The following WDR46 variants were observed in gnomAD, a reference collection of about 807,000 sequenced individuals.
The protein encoded by WDR46 is WD repeat domain 46.
Under a neutral mutation model 74.7 loss-of-function variants are expected in WDR46, and 58 were observed. The ratio of observed to expected loss-of-function variants is 0.78; its 90% CI spans 0.63 to 0.97. WDR46 has a LOEUF of 0.97. Among genes scored for constraint, WDR46 ranks in the 50% least tolerant of loss-of-function variants. The pLI, the probability that WDR46 is intolerant of heterozygous loss-of-function variation, is 0.00. For synonymous variants in WDR46, 278 were observed against 297.3 expected, an observed-to-expected ratio of 0.93 and a Z score of 0.67; for missense variants, 702 against 790.1, an observed-to-expected ratio of 0.89 and a Z score of 1.34.
rs566892586 is a variant in WDR46 at position 33,288,946 on chromosome 6, C to T, written c.137G>A (p.Arg46His). ...ACGGAGCTCCCGATTCTTCTTGTTA[C>T]GAGGAGGCCCTGGAGAGGCTCCGGC... The part of the protein sequence containing the change: ...TTAGASPGPP[R>H]NKKNRELRPQ... The change falls in exon 2 of 15, where the codon CGT becomes CAT. Residue 46 changes from arginine to histidine, a missense_variant. By Grantham distance (29) the Arg-to-His change is conservative. Coordinates refer to ENST00000374617, the MANE Select transcript of WDR46 (RefSeq NM_005452.6). 149 of 1,614,090 alleles carry T rather than the reference C, an allele frequency of 9.2e-5. No homozygotes were observed. The Admixed American group carries it at 2.1e-3, about 23-fold the overall frequency.
Position 33,279,862 on chromosome 6 carries a change from G to C in WDR46, c.1525-3C>G. On this transcript the variant is annotated splice_polypyrimidine_tract_variant and splice_region_variant and intron_variant, in intron 12 of 14. Transcript: ENST00000374617. ...AGACAAATAAGCTCTGCAGGTACCTGGGGGTGTCACAGAGGGACAGGACTC... is the reference window on the plus strand; with the variant it reads ...AGACAAATAAGCTCTGCAGGTACCTCGGGGTGTCACAGAGGGACAGGACTC... 6.2e-7 allele frequency: 1 copy of C among 1,613,776 alleles called. No individual in the cohort carries two copies. The highest frequency in any genetic ancestry group is 8.5e-7 in the Non-Finnish European group (1 of 1,179,880).
In WDR46 at chr6:33,279,789, C is replaced by T. The variant is rs758701039; in HGVS notation, c.1595G>A (p.Gly532Glu). ...CAGCCTCTCTATCTGCTCCTTCTTT[C>T]CCTGCTCCAGGGAGATGACATCCAC... is the stretch of plus-strand genomic sequence containing the variant. ...AEVDVISLEQ[G>E]KKEQIERLGY... Residue 532 changes from glycine (G) to glutamate (E), a missense_variant, in exon 13 of 15, where the codon GGA becomes GAA. Physicochemically the swap from Gly to Glu is moderately conservative, Grantham distance 98. Coordinates refer to ENST00000374617, the MANE Select transcript of WDR46 (RefSeq NM_005452.6). 1.2e-5 allele frequency: 19 copies of T among 1,614,140 alleles called. No homozygotes were observed. The South Asian group carries it at 1.4e-4, about 12-fold the overall frequency.
chr6:33,280,389 A>G (rs1015959102), intron 12 of WDR46, 39 bp downstream of exon 12: 28 of 1,541,658 alleles, frequency 1.8e-5, no homozygotes, highest in Non-Finnish European at 2.4e-5. Context: ...CTCTCCAGCA[A>G]TGGGGGGGAT....
intron 12 of WDR46, among the ~76,000 whole-genome samples, 138 bp downstream of exon 12, chr6:33,280,265 GGGGGAACCTGACCTTCTCCAGCAGT>G (rs72655904): frequency 0.036 from 5,356 of 149,714 alleles, 118 homozygotes; most frequent in Non-Finnish European, 0.044. Flanking sequence ...TCTCCAGCAG[GGGGGAACCTGACCTTCTCCAGCAGT>G]GGGGAACCTG....
Position 33,279,118 on chromosome 6 carries a change from C to T in WDR46, c.*158G>A. 7 of 985,018 alleles carry T rather than the reference C, an allele frequency of 7.1e-6. No individual in the cohort carries two copies. The highest frequency in any genetic ancestry group is 9.0e-6 in the Non-Finnish European group (6 of 664,662). 61.0% of individuals were successfully genotyped at this position (985,018 alleles called of 1,614,324 possible). A position where few individuals can be genotyped will look rare whatever the true frequency, so the allele number is the denominator to read the frequency against. ...GATCCAGACACATTATCCAAAAAATCGCTTTCCTCTTTAATACCAACCCAC... is the reference window on the plus strand; with the variant it reads ...GATCCAGACACATTATCCAAAAAATTGCTTTCCTCTTTAATACCAACCCAC... On this transcript the variant is annotated 3_prime_UTR_variant, in exon 15 of 15. Transcript: ENST00000374617.
Position 33,280,998 on chromosome 6 carries a change from A to C in WDR46, c.1116-11T>G, listed in dbSNP as rs758490271. On this transcript the variant is annotated splice_polypyrimidine_tract_variant and intron_variant, in intron 10 of 14. Transcript: ENST00000374617. The stretch of plus-strand genomic sequence containing the variant: ...GAGGTGGCCATGTACCTGGTGAGAG[A>C]AGAGGGATCAATTAATATGTCAGTA... 3 of 1,581,186 alleles carry C rather than the reference A, an allele frequency of 1.9e-6. No homozygotes were observed. The highest frequency in any genetic ancestry group is 2.6e-6 in the Non-Finnish European group (3 of 1,161,552).
chr6:33,289,055 C>A (rs762673527), intron 1 of WDR46, 42 bp from the exon 2 acceptor site: 1 of 1,611,494 alleles, frequency 6.2e-7, no homozygotes, highest in Non-Finnish European at 8.5e-7. Flanking sequence ...CCCCGCCCCC[C>A]GACCCCACAG....
At chr6:33,283,428 C>T (rs1263274911) in intron 10 of WDR46, among the ~76,000 whole-genome samples, 1 of 152,156 alleles carries the variant, frequency 6.6e-6, no homozygotes, top group Non-Finnish European at 1.5e-5. Flanking sequence ...GAAACCCCAT[C>T]TCTACAAAAA....
Position 33,288,041 on chromosome 6 carries a change from A to G in WDR46, c.562-15T>C, listed in dbSNP as rs1346005693. 2 of 1,614,116 alleles carry G rather than the reference A, an allele frequency of 1.2e-6. No homozygotes were observed. The highest frequency in any genetic ancestry group is 1.7e-6 in the Non-Finnish European group (2 of 1,179,988). On this transcript the variant is annotated splice_polypyrimidine_tract_variant and intron_variant, in intron 5 of 14. Transcript: ENST00000374617. ...AAGTCAAAGTGCTGGGAAAGAGAAG[A>G]GTGAAAAAAAAGAGTGCCCTGCAGT...
At chr6:33,287,833 T>C (rs547756061) in intron 6 of WDR46, 115 bp from the exon 7 acceptor site, 1 of 1,499,586 alleles carries the variant, frequency 6.7e-7, no homozygotes, top group South Asian at 1.1e-5. Flanking sequence ...CATGTTGCTG[T>C]AGGTGCTTAC....
intron 12 of WDR46, among the ~76,000 whole-genome samples, chr6:33,280,098 A>ATT (rs1766001360): frequency 1.3e-5 from 2 of 148,504 alleles, no homozygotes; most frequent in East Asian, 4.1e-4. Flanking sequence ...GCAGGGGGGA[A>ATT]CCTGACCCTC....
Position 33,279,109 on chromosome 6 carries a change from C to T in WDR46, c.*167G>A. ...CCACAAGATGATCCAGACACATTAT[C>T]CAAAAAATCGCTTTCCTCTTTAATA... On this transcript the variant is annotated 3_prime_UTR_variant, in exon 15 of 15. Transcript: ENST00000374617. 1.1e-6 allele frequency: 1 copy of T among 889,776 alleles called. No individual in the cohort carries two copies. The allele number at this position is 889,776 out of a possible 1,614,324, so 55.1% of individuals were successfully genotyped here.
rs895783066 is a variant in WDR46, at chr6:33,287,669, C to T, written c.673G>A (p.Val225Ile). The T allele has an allele frequency of 1.2e-6, 2 of 1,613,860 alleles. No individual in the cohort carries two copies. The highest frequency in any genetic ancestry group is 1.7e-6 in the Non-Finnish European group (2 of 1,180,026). Residue 225 changes from valine (V) to isoleucine (I), a missense_variant, in exon 7 of 15, where the codon GTA becomes ATA. Val to Ile is a conservative substitution (Grantham distance 29, BLOSUM62 3). Coordinates refer to ENST00000374617, the MANE Select transcript of WDR46 (RefSeq NM_005452.6). ...RRGHVAALDW[V>I]TKKLMCEINV... ...ATCTCGCACATAAGCTTCTTTGTTA[C>T]CCAATCAAGGGCAGCCACATGACCT...
chr6:33,282,964 C>T (rs111362774), intron 10 of WDR46, among the ~76,000 whole-genome samples: 1 of 152,206 alleles, frequency 6.6e-6, no homozygotes, highest in Non-Finnish European at 1.5e-5. Flanking sequence ...ATAATCCCAG[C>T]ACTTTGGGAG....
rs139685455 is a variant in WDR46 at position 33,280,770 on chromosome 6, G to A, written c.1333C>T (p.Arg445Trp). 9.9e-6 allele frequency: 16 copies of A among 1,613,908 alleles called. No individual in the cohort carries two copies. Among genetic ancestry groups the A allele is most frequent in the South Asian group, 8.8e-5 (8 of 91,078 alleles). The change falls in exon 11 of 15, where the codon CGG (arginine) becomes TGG (tryptophan). Residue 445 changes from arginine to tryptophan, a missense_variant. Transcript: ENST00000374617. ...PSLEQPYLTH[R>W]LSGPVHGLQF... ...AGGCCATGCACAGGGCCTGAGAGCC[G>A]GTGGGTGAGGTAGGGCTGTTCAAGG...
rs370104675 is a variant in WDR46, at chr6:33,289,201, A to G, written c.-31T>C. 5.0e-6 allele frequency: 8 copies of G among 1,601,054 alleles called. No individual in the cohort carries two copies. Among genetic ancestry groups the G allele is most frequent in the Non-Finnish European group, 6.8e-6 (8 of 1,174,090 alleles). On this transcript the variant is annotated 5_prime_UTR_variant, in exon 1 of 15. Coordinates refer to ENST00000374617, the MANE Select transcript of WDR46 (RefSeq NM_005452.6). ...CCACCCGAACGGCGATCCACGTGCA[A>G]AACTCCTCTCAGCTGCCACACAGTC... is the stretch of plus-strand genomic sequence containing the variant.
chr6:33,288,739 C>T, intron 2 of WDR46, 45 bp from the exon 3 acceptor site: 1 of 1,613,096 alleles, frequency 6.2e-7, no homozygotes, highest in Non-Finnish European at 8.5e-7. Context: ...TTGGATTGAC[C>T]CCAACCCTCT....
rs899063450 is a variant in WDR46, at chr6:33,287,786, G to GC, written c.624-69dup. Reference sequence around the variant, plus strand: ...CACCGACTCAGACAACTTGAGGTCTGCCCCACGCCAGCCCCATCTCTCCAG... The same window carrying GC: ...CACCGACTCAGACAACTTGAGGTCTGCCCCCACGCCAGCCCCATCTCTCCAG... On this transcript the variant is annotated intron_variant, in intron 6 of 14. Coordinates refer to ENST00000374617, the MANE Select transcript of WDR46 (RefSeq NM_005452.6). 103 of 1,575,464 alleles carry GC rather than the reference G, an allele frequency of 6.5e-5. No homozygotes were observed. In the African/African-American group the frequency reaches 1.3e-3, roughly 21 times the overall value.
chr6:33,280,337 G>A, intron 12 of WDR46, 91 bp downstream of exon 12: 4 of 1,382,754 alleles, frequency 2.9e-6, no homozygotes, highest in Non-Finnish European at 4.0e-6. Flanking sequence ...CCTTCTCCAG[G>A]AAGGAGGAAC....
Sources: gnomAD v4.1 joint callset for allele counts (sites outside exome capture counted in the v4.1 genomes callset) on GRCh38, gnomAD v4.1.1 for gene constraint, MANE v1.5 for transcripts, NCBI Gene and HGNC (gene_info 2026-07-23, HGNC 2026-07-21) for gene names.